The following LAMA5 variants were observed in gnomAD, a reference collection of about 807,000 sequenced individuals.
LAMA5 encodes the protein laminin subunit alpha-5.
In LAMA5, 260 loss-of-function variants were observed where a neutral mutation model predicts 433.4. The ratio of observed to expected loss-of-function variants is 0.60; its 90% CI spans 0.54 to 0.66. The LOEUF is 0.66. Among genes scored for constraint, LAMA5 ranks in the 30% least tolerant of loss-of-function variants. The pLI is 0.00. For synonymous variants in LAMA5, 2,620 were observed against 2,226.6 expected, an observed-to-expected ratio of 1.18 and a Z score of -4.97; for missense variants, 5,378 against 5,258.5, an observed-to-expected ratio of 1.02 and a Z score of -0.70.
At chr20:62,338,440 AGAGGTT>A (rs770670555) in intron 12 of LAMA5, 22 bp downstream of exon 12, 7 of 1,607,850 alleles carry the variant, frequency 4.4e-6, no homozygotes, top group Middle Eastern at 3.3e-4. Flanking sequence ...GAGCGCAGGT[AGAGGTT>A]GAGCGGGGAG....
intron 33 of LAMA5, 30 bp from the exon 34 acceptor site, chr20:62,329,085 C>A (rs1228989176): frequency 6.2e-7 from 1 of 1,612,194 alleles, no homozygotes; most frequent in Non-Finnish European, 8.5e-7. Flanking sequence ...GTGAGGCCAG[C>A]TCCCGGCCCA....
Position 62,333,487 on chromosome 20 carries a change from G to GGGTGGA in LAMA5, c.3022-12_3022-7dup, listed in dbSNP as rs774340250. ...GGCAGCAGAACCACGTAGTCCTGCA[G>GGGTGGA]GGTGGAGGTGGTGCTGAGAGTGGTG... is the stretch of plus-strand genomic sequence containing the variant. On this transcript the variant is annotated splice_region_variant and splice_polypyrimidine_tract_variant and intron_variant, in intron 24 of 79. Coordinates refer to ENST00000252999, the MANE Select transcript of LAMA5 (RefSeq NM_005560.6). The GGGTGGA allele has an allele frequency of 4.5e-5, 73 of 1,609,388 alleles. No individual in the cohort carries two copies. The highest frequency in any genetic ancestry group is 1.4e-4 in the South Asian group (13 of 90,242).
intron 11 of LAMA5, among the ~76,000 whole-genome samples, chr20:62,343,785 A>AAAAAGAAAAAG (rs1197177838): frequency 3.3e-5 from 5 of 150,034 alleles, no homozygotes; most frequent in African/African-American, 1.2e-4. Context: ...AAAAAAAAAA[A>AAAAAGAAAAAG]AAAGAAAGCA....
chr20:62,319,831 T>C (rs926580483), intron 50 of LAMA5, 36 bp from the exon 51 acceptor site: 2 of 1,495,392 alleles, frequency 1.3e-6, no homozygotes, highest in Admixed American at 4.0e-5. Context: ...ACGCTGCTGG[T>C]AGGCGAGGGT....
At chr20:62,318,799 C>T (rs749932683) in intron 52 of LAMA5, 44 bp downstream of exon 52, 1 of 1,599,480 alleles carries the variant, frequency 6.3e-7, no homozygotes, top group African/African-American at 1.3e-5. Flanking sequence ...GCTCCCAGGT[C>T]CCTGCCTCTC....
Position 62,321,448 on chromosome 20 carries a change from GGGGTAGGGCCAGCA to G in LAMA5, c.6496+557_6497-559del, listed in dbSNP as rs1568917872. 4.9e-4 allele frequency among the ~76,000 whole-genome samples: 9 copies of G among 18,450 alleles called. 1 individual carries two copies. Among genetic ancestry groups the G allele is most frequent in the Non-Finnish European group, 8.8e-4 (8 of 9,084 alleles). The allele number at this position is 18,450 out of a possible 152,430, so 12.1% of individuals were successfully genotyped here. A position where few individuals can be genotyped will look rare whatever the true frequency, so the allele number is the denominator to read the frequency against. ...TCAGTGGAGGGGTAGGGCCAGCAGA[GGGGTAGGGCCAGCA>G]GAGGGGTGGGGTCAGTGGAGGGGTG... On this transcript the variant is annotated intron_variant, in intron 48 of 79. Coordinates refer to ENST00000252999, the MANE Select transcript of LAMA5 (RefSeq NM_005560.6).
chr20:62,311,819 C>G, intron 70 of LAMA5, 35 bp from the exon 71 acceptor site: 3 of 819,768 alleles, frequency 3.7e-6, no homozygotes, highest in African/African-American at 1.7e-5. Context: ...CGGTTTTTCC[C>G]CACCCTGCCC....
intron 1 of LAMA5, among the ~76,000 whole-genome samples, chr20:62,362,865 T>C (rs970015560): frequency 2.4e-5 from 2 of 84,046 alleles, no homozygotes; most frequent in Non-Finnish European, 4.8e-5. Context: ...GAGCACTACG[T>C]GGTAAGGGGG....
Position 62,358,847 on chromosome 20 carries a change from C to T in LAMA5, c.450+3553G>A, listed in dbSNP as rs1020404527. ...TTCAGCAGAGCTTTGCCTCCTTGTA[C>T]CCCCACTTGGAGGGGACAGCTGACT... On this transcript the variant is annotated intron_variant, in intron 2 of 79. Transcript: ENST00000252999. Among the ~76,000 whole-genome samples, 87 of 152,170 alleles carry T rather than the reference C, an allele frequency of 5.7e-4. 1 individual carries two copies. Among genetic ancestry groups the T allele is most frequent in the African/African-American group, 2.0e-3 (84 of 41,426 alleles).
intron 39 of LAMA5, 46 bp from the exon 40 acceptor site, chr20:62,326,806 A>C (rs1351352852): frequency 3.1e-6 from 5 of 1,600,356 alleles, no homozygotes; most frequent in Non-Finnish European, 3.4e-6. Flanking sequence ...GGCCTGGACC[A>C]CGGTGCCACT....
rs570736071 is a variant in LAMA5, at chr20:62,361,978, ATGTCCACT to A, written c.450+414_450+421del. ...CCACCTCGGCACAGGTATCCCAGGA[ATGTCCACT>A]TGCGCCAGCCTCCTCTGCATTCCTG... On this transcript the variant is annotated intron_variant, in intron 2 of 79. Coordinates refer to ENST00000252999, the MANE Select transcript of LAMA5 (RefSeq NM_005560.6). Among the ~76,000 whole-genome samples, 812 of 152,254 alleles carry A rather than the reference ATGTCCACT, an allele frequency of 5.3e-3. 4 individuals carry two copies. The highest frequency in any genetic ancestry group is 7.4e-3 in the Non-Finnish European group (503 of 67,996).
Position 62,311,481 on chromosome 20 carries a change from C to A in LAMA5, c.9862G>T (p.Val3288Leu), listed in dbSNP as rs1379649776. ...DLQQNLGSVNVSTGCAPALQA... is the reference protein window; with the variant it reads ...DLQQNLGSVNLSTGCAPALQA... The stretch of plus-strand genomic sequence containing the variant: ...AGGGCGGGTGCACAGCCCGTGCTCA[C>A]ATTGACGCTGCCCAGGTTCTGCTGC... Residue 3288 changes from valine (V) to leucine (L), a missense_variant, in exon 72 of 80, where the codon GTG becomes TTG. Transcript: ENST00000252999. The A allele has an allele frequency of 6.2e-7, 1 of 1,610,538 alleles. No homozygotes were observed.
In LAMA5 at chr20:62,333,970, G is replaced by C. The variant is rs774058225; in HGVS notation, c.2809C>G (p.Arg937Gly). The change falls in exon 23 of 80, where the codon CGG (arginine) becomes GGG (glycine). Residue 937 changes from arginine (R) to glycine (G), a missense_variant. By Grantham distance (125) the Arg-to-Gly change is moderately radical (BLOSUM62 -2). Coordinates refer to ENST00000252999, the MANE Select transcript of LAMA5 (RefSeq NM_005560.6). ...LFWLVFRYVN[R>G]GAMSVSGRVS... ...CGCCCGCTCACACTCATGGCCCCCC[G>C]GTTGACGTATCGGAAGACGAGCCAG... 1.2e-6 allele frequency: 2 copies of C among 1,612,898 alleles called. No individual in the cohort carries two copies. Among genetic ancestry groups the C allele is most frequent in the East Asian group, 4.5e-5 (2 of 44,874 alleles).
Position 62,311,745 on chromosome 20 carries a change from C to T in LAMA5, c.9675G>A (p.Lys3225=). Residue 3225 remains lysine, a synonymous_variant, in exon 71 of 80, where the codon AAG becomes AAA. Transcript: ENST00000252999. ...LYVDDQLQQM[K]PHRGPPPELQ... is the part of the protein sequence containing the mutation. ...GCTCGGGGGGTGGTCCCCGGTGGGG[C>T]TTCATCTGCTGGAGCTGGTCATCGA... is the stretch of plus-strand genomic sequence containing the variant. 1 of 1,560,328 alleles carries T rather than the reference C, an allele frequency of 6.4e-7. No homozygotes were observed. Among genetic ancestry groups the T allele is most frequent in the African/African-American group, 1.4e-5 (1 of 73,750 alleles).
In LAMA5 at chr20:62,323,729, T is replaced by G. The variant is rs755812403; in HGVS notation, c.5849+47A>C. On this transcript the variant is annotated intron_variant, in intron 44 of 79. Coordinates refer to ENST00000252999, the MANE Select transcript of LAMA5 (RefSeq NM_005560.6). ...CCGTGGCGCCCACCCTCGCATATCC[T>G]GGGGTCAGCACTCAGGCCCTGCCCC... 14 of 1,596,464 alleles carry G rather than the reference T, an allele frequency of 8.8e-6. No homozygotes were observed. The Admixed American group carries it at 2.4e-4, about 27-fold the overall frequency.
At chr20:62,320,411 TGGTC>T in intron 50 of LAMA5, 144 bp downstream of exon 50, 1 of 611,772 alleles carries the variant, frequency 1.6e-6, no homozygotes, top group Admixed American at 2.9e-5. Context: ...TTCAGTGACT[TGGTC>T]AACCCCTAAG....
intron 50 of LAMA5, 149 bp from the exon 51 acceptor site, chr20:62,319,944 A>T (rs906296168): frequency 5.4e-6 from 3 of 552,338 alleles, no homozygotes; most frequent in Non-Finnish European, 9.8e-6. Flanking sequence ...CTTGTTATTT[A>T]TCACTTGTTA....
At chr20:62,332,813 C>T in intron 26 of LAMA5, 96 bp from the exon 27 acceptor site, 2 of 1,458,916 alleles carry the variant, frequency 1.4e-6, no homozygotes, top group Non-Finnish European at 9.2e-7. Flanking sequence ...CCAGGGCCTG[C>T]CCTTCAGCCG....
intron 20 of LAMA5, 106 bp from the exon 21 acceptor site, chr20:62,334,727 A>AGAGTCAG (rs1981212091): frequency 7.5e-6 from 3 of 402,586 alleles, no homozygotes; most frequent in East Asian, 4.5e-5. Context: ...TGGATGATGG[A>AGAGTCAG]GAGTCAGGGC....
Sources: gnomAD v4.1 joint callset for allele counts (sites outside exome capture counted in the v4.1 genomes callset) on GRCh38, gnomAD v4.1.1 for gene constraint, MANE v1.5 for transcripts, NCBI Gene and HGNC (gene_info 2026-07-23, HGNC 2026-07-21) for gene names.